The following PCDHGA5 variants were observed in gnomAD, a reference collection of about 807,000 sequenced individuals.
PCDHGA5 encodes protocadherin gamma-A5.
Under a neutral mutation model 56.7 loss-of-function variants are expected in PCDHGA5, and 36 were observed. That is an observed-to-expected ratio of 0.64 (90% CI 0.49 to 0.84). PCDHGA5 has a LOEUF of 0.84. Among genes scored for constraint, PCDHGA5 ranks in the 40% least tolerant of loss-of-function variants. The pLI is 0.00. For missense variants in PCDHGA5, 1,305 were observed against 1,201.5 expected (o/e 1.09, Z -1.27); for synonymous variants, 563 against 520.2 (o/e 1.08, Z -1.12).
At chr5:141,435,214 AC>A (rs1332585721) in intron 1 of PCDHGA5, among the ~76,000 whole-genome samples, 1 of 152,176 alleles carries the variant, frequency 6.6e-6, no homozygotes, top group African/African-American at 2.4e-5. Flanking sequence ...AAGTGAATTT[AC>A]TTTCTTTCAA....
At chr5:141,446,039 A>G (rs1349676116) in intron 1 of PCDHGA5, among the ~76,000 whole-genome samples, 1 of 152,180 alleles carries the variant, frequency 6.6e-6, no homozygotes, top group African/African-American at 2.4e-5. Context: ...TAAGAAATGG[A>G]AGAAGAGCTG....
Position 141,485,932 on chromosome 5 carries a change from G to A in PCDHGA5, c.2422-8875G>A. ...CCAGCTACAGGATTAGTGTGTTGGA[G>A]AGCGCACCAGCGGGCATGGTGCTCA... On this transcript the variant is annotated intron_variant, in intron 1 of 3. Transcript: ENST00000518069. The surrounding 1 kb of genome is among the most constrained non-coding windows in gnomAD (Gnocchi z 5.7). The A allele has an allele frequency of 6.2e-7, 1 of 1,614,184 alleles. No homozygotes were observed. The highest frequency in any genetic ancestry group is 8.5e-7 in the Non-Finnish European group (1 of 1,180,042).
chr5:141,503,630 A>G, intron 2 of PCDHGA5, among the ~76,000 whole-genome samples: 1 of 152,088 alleles, frequency 6.6e-6, no homozygotes, highest in Admixed American at 6.6e-5. Flanking sequence ...AAGAAAAGAA[A>G]TAATTATTGA....
chr5:141,364,516 C>A lies in PCDHGA5; in HGVS notation c.186C>A (p.Arg62=). ...LGLEPQELAE[R]GVRIVSRGRT... ...TGGAGCCCCAGGAGCTGGCGGAGCG[C>A]GGAGTCCGCATCGTCTCCAGAGGTA... The change falls in exon 1 of 4, where the codon CGC becomes CGA. Residue 62 remains arginine (R), a synonymous_variant. Transcript: ENST00000518069. The A allele has an allele frequency of 6.2e-7, 1 of 1,614,002 alleles. No individual in the cohort carries two copies. The highest frequency in any genetic ancestry group is 8.5e-7 in the Non-Finnish European group (1 of 1,179,888).
chr5:141,389,379 C>G, intron 1 of PCDHGA5: 1 of 1,613,770 alleles, frequency 6.2e-7, no homozygotes, highest in Non-Finnish European at 8.5e-7. Context: ...GCAGCGGGAG[C>G]TGTCATCCTA....
chr5:141,372,173 G>T, intron 1 of PCDHGA5: 1 of 1,613,722 alleles, frequency 6.2e-7, no homozygotes, highest in Non-Finnish European at 8.5e-7. Context: ...AGGTGGTGGC[G>T]GTGGACGCAG....
In PCDHGA5 at chr5:141,405,345, A is replaced by G. The variant is rs758657243; in HGVS notation, c.2421+38594A>G. 3 of 1,613,944 alleles carry G rather than the reference A, an allele frequency of 1.9e-6. No homozygotes were observed. In the South Asian group the frequency reaches 3.3e-5, roughly 18 times the overall value. On this transcript the variant is annotated intron_variant, in intron 1 of 3. Coordinates refer to ENST00000518069, the MANE Select transcript of PCDHGA5 (RefSeq NM_018918.3). ...CCTTTGTGCGTCTCTGTTGATTCCA[A>G]GTTTCCTATAGAAGACACCCCTTTG...
chr5:141,393,051 C>G, intron 1 of PCDHGA5: 1 of 1,613,622 alleles, frequency 6.2e-7, no homozygotes, highest in South Asian at 1.1e-5. Flanking sequence ...TCTGAACCCG[C>G]GCAGCGGCAG....
At chr5:141,373,411 T>C (rs1045675973) in intron 1 of PCDHGA5, among the ~76,000 whole-genome samples, 3 of 152,242 alleles carry the variant, frequency 2.0e-5, no homozygotes, top group Non-Finnish European at 2.9e-5. Flanking sequence ...TAGTCCCAGC[T>C]ACTCGGGAGG....
At chr5:141,450,006 C>CTATTTTTTTTTTTT (rs70988802) in intron 1 of PCDHGA5, among the ~76,000 whole-genome samples, 1 of 132,966 alleles carries the variant, frequency 7.5e-6, no homozygotes, top group Non-Finnish European at 1.6e-5. Flanking sequence ...TGCCATGTCT[C>CTATTTTTTTTTTTT]TTTTTTTTTT....
intron 1 of PCDHGA5, chr5:141,424,569 C>A (rs1436039976): frequency 6.6e-6 from 1 of 151,996 alleles, no homozygotes; most frequent in African/African-American, 2.4e-5. Flanking sequence ...TCTCAAAAAC[C>A]TATTTTCAAA....
intron 1 of PCDHGA5, among the ~76,000 whole-genome samples, chr5:141,401,212 G>A (rs2094128608): frequency 6.6e-6 from 1 of 151,930 alleles, no homozygotes; most frequent in Non-Finnish European, 1.5e-5. Context: ...TGTGGTGGCG[G>A]GCGCCTGTAA....
chr5:141,365,022 C>G lies in PCDHGA5; in HGVS notation c.692C>G (p.Thr231Arg). The change falls in exon 1 of 4, where the codon ACG becomes AGG. Residue 231 changes from threonine (T) to arginine (R), a missense_variant. Transcript: ENST00000518069. ...VLSGTTHIRV[T>R]VLDANDNAPL... is the part of the protein sequence containing the mutation. ...TCCGGCACCACGCACATCCGTGTTA[C>G]GGTCCTCGACGCAAACGACAATGCG... is the stretch of plus-strand genomic sequence containing the variant. The G allele has an allele frequency of 6.2e-7, 1 of 1,613,864 alleles. No individual in the cohort carries two copies.
Position 141,489,352 on chromosome 5 carries a change from G to A in PCDHGA5, c.2422-5455G>A, listed in dbSNP as rs1336068787. 1.9e-6 allele frequency: 3 copies of A among 1,612,152 alleles called. No homozygotes were observed. In the Admixed American group the frequency reaches 5.0e-5, roughly 27 times the overall value. On this transcript the variant is annotated intron_variant, in intron 1 of 3. Transcript: ENST00000518069. The surrounding 1 kb of genome is among the most constrained non-coding windows in gnomAD (Gnocchi z 4.5). ...GCAGCTTCGTTACTCAGTGGTGGAG[G>A]AGTCTGAGCCGGGGACGCTGGTGGG...
At chr5:141,470,942 C>T (rs1156728317) in intron 1 of PCDHGA5, among the ~76,000 whole-genome samples, 1 of 152,020 alleles carries the variant, frequency 6.6e-6, no homozygotes, top group Non-Finnish European at 1.5e-5. Context: ...GTCTCAAATT[C>T]CTGGCCTCAA....
At chr5:141,399,066 G>C (rs770799351) in intron 1 of PCDHGA5, 5 of 1,613,726 alleles carry the variant, frequency 3.1e-6, no homozygotes, top group South Asian at 2.2e-5. Context: ...AATATTCAAT[G>C]GTTGTAGAAG....
Position 141,486,282 on chromosome 5 carries a change from C to G in PCDHGA5, c.2422-8525C>G. On this transcript the variant is annotated intron_variant, in intron 1 of 3. Transcript: ENST00000518069. This position sits in a 1 kb window ranked among gnomAD's most constrained non-coding sequence, Gnocchi z 5.0. ...AGTGCAGAACCTGGCACTGTGGTGG[C>G]ACTTATCAGTGTGCAGGATCCAGAC... The G allele has an allele frequency of 1.2e-6, 2 of 1,614,052 alleles. No homozygotes were observed. The highest frequency in any genetic ancestry group is 1.7e-6 in the Non-Finnish European group (2 of 1,179,992).
intron 1 of PCDHGA5, among the ~76,000 whole-genome samples, chr5:141,460,251 A>G (rs2098984972): frequency 6.6e-6 from 1 of 152,114 alleles, no homozygotes; most frequent in Admixed American, 6.6e-5. Context: ...TAATTTTGAT[A>G]AAGCCCAATT....
chr5:141,431,719 A>G lies in PCDHGA5; in HGVS notation c.2422-63088A>G. On this transcript the variant is annotated intron_variant, in intron 1 of 3. Transcript: ENST00000518069. This position sits in a 1 kb window ranked among gnomAD's most constrained non-coding sequence, Gnocchi z 4.8. ...CAGGATTCTACCAGATGGAAGTGCA[A>G]GCAATGGATAATGCAGGATATTCTG... 6.2e-7 allele frequency: 1 copy of G among 1,614,244 alleles called. No individual in the cohort carries two copies. Among genetic ancestry groups the G allele is most frequent in the Non-Finnish European group, 8.5e-7 (1 of 1,180,050 alleles).
Sources: allele counts gnomAD v4.1 joint callset (sites outside exome capture counted in the v4.1 genomes callset), GRCh38; gene constraint gnomAD v4.1.1; non-coding constraint Gnocchi (gnomAD v3.1); transcripts MANE v1.5; gene names NCBI Gene and HGNC (gene_info 2026-07-23, HGNC 2026-07-21).